TSC2: variants seen among roughly 807,000 people sequenced by gnomAD.
TSC2 encodes the protein TSC complex subunit 2.
TSC2 carries 29 observed loss-of-function variants against 202.2 expected under a neutral mutation model. That is an observed-to-expected ratio of 0.14 (90% CI 0.11 to 0.20). The LOEUF (loss-of-function observed/expected upper bound fraction) is 0.20. Ranked by LOEUF, TSC2 falls within the 10% of genes least tolerant of loss-of-function variation. The probability of loss-of-function intolerance (pLI) is 1.00; values close to 1 mark genes in which losing one functional copy is unlikely to be tolerated. For missense variants in TSC2, 2,429 were observed against 2,420.0 expected (o/e 1.00, Z -0.08); for synonymous variants, 1,349 against 1,044.0 (o/e 1.29, Z -5.63).
At chr16:2,064,614 G>A in intron 15 of TSC2, 187 bp downstream of exon 15, 2 of 877,800 alleles carry the variant, frequency 2.3e-6, no homozygotes, top group South Asian at 3.2e-5. Flanking sequence ...TTTGTGTCCT[G>A]ACTGAAAGTC....
chr16:2,057,426 C>T (rs1049385535), intron 9 of TSC2, among the ~76,000 whole-genome samples: 2 of 152,170 alleles, frequency 1.3e-5, no homozygotes, highest in East Asian at 1.9e-4. Flanking sequence ...CGTCCTCCAG[C>T]GGTGCTCCCC....
Position 2,088,574 on chromosome 16 carries a change from C to G in TSC2, c.5388C>G (p.Leu1796=). ...ATGAGGTGGGCCAGCGGAAGCGCCTCATCTCCTCGGTGGAGGACTTCACCG... is the reference window on the plus strand; with the variant it reads ...ATGAGGTGGGCCAGCGGAAGCGCCTGATCTCCTCGGTGGAGGACTTCACCG... ...PGYEVGQRKR[L]ISSVEDFTEF... Residue 1796 remains leucine, a synonymous_variant, in exon 42 of 42, where the codon CTC becomes CTG. Coordinates refer to ENST00000219476, the MANE Select transcript of TSC2 (RefSeq NM_000548.5). 1 of 1,609,360 alleles carries G rather than the reference C, an allele frequency of 6.2e-7. No homozygotes were observed. The highest frequency in any genetic ancestry group is 8.5e-7 in the Non-Finnish European group (1 of 1,179,910).
chr16:2,058,807 C>G lies in TSC2; in HGVS notation c.909C>G (p.Leu303=), dbSNP rs1433197017. The G allele has an allele frequency of 6.2e-7, 1 of 1,600,270 alleles. No homozygotes were observed. Among genetic ancestry groups the G allele is most frequent in the Non-Finnish European group, 8.5e-7 (1 of 1,173,264 alleles). ...RGAVFFVGMA[L]WGAHRLYSLR... ...CCGTGTTTTTTGTGGGCATGGCTCT[C>G]TGGGGAGCCCACCGGCTCTATTCTC... The change falls in exon 10 of 42, where the codon CTC becomes CTG. Residue 303 remains leucine (L), a synonymous_variant. Coordinates refer to ENST00000219476, the MANE Select transcript of TSC2 (RefSeq NM_000548.5).
chr16:2,053,899 T>C (rs1428096577), intron 4 of TSC2: 3 of 446,444 alleles, frequency 6.7e-6, no homozygotes, highest in African/African-American at 3.9e-5. Context: ...TACTCCTTCA[T>C]GTCCCAGCTG....
At chr16:2,057,332 C>T (rs993004005) in intron 9 of TSC2, among the ~76,000 whole-genome samples, 154 bp downstream of exon 9, 2 of 152,136 alleles carry the variant, frequency 1.3e-5, no homozygotes, top group Non-Finnish European at 2.9e-5. Flanking sequence ...CCCATGACTT[C>T]TAGGATCCAG....
chr16:2,076,086 G>A lies in TSC2; in HGVS notation c.2658G>A (p.Val886=), dbSNP rs1035837417. 3 of 1,613,974 alleles carry A rather than the reference G, an allele frequency of 1.9e-6. No individual in the cohort carries two copies. The highest frequency in any genetic ancestry group is 2.2e-5 in the East Asian group (1 of 44,874). ...ATCTCAGGTTTAATCAGTACATCGT[G>A]TGTCTGGCCCATCACGTCATAGCCA... ...TNPSKFNQYI[V]CLAHHVIAMW... The change falls in exon 24 of 42, where the codon GTG becomes GTA. Residue 886 remains valine (V), a synonymous_variant. Transcript: ENST00000219476.
chr16:2,064,246 C>A, intron 14 of TSC2, 26 bp from the exon 15 acceptor site: 2 of 1,613,796 alleles, frequency 1.2e-6, no homozygotes, highest in South Asian at 1.1e-5. Context: ...GGCTGGCGCT[C>A]ATTGGCCTCC....
chr16:2,082,646 G>A (rs1226509393), intron 32 of TSC2, 142 bp downstream of exon 32: 34 of 916,254 alleles, frequency 3.7e-5, no homozygotes, highest in South Asian at 2.5e-4. Flanking sequence ...GCATGAGGAC[G>A]TCTGTGCAGA....
chr16:2,082,844 C>T, intron 32 of TSC2: 2 of 458,702 alleles, frequency 4.4e-6, no homozygotes, highest in South Asian at 4.1e-5. Flanking sequence ...GGAAGCCCAC[C>T]CCTGGGCCTG....
intron 16 of TSC2, chr16:2,068,902 A>G (rs372292520): frequency 1.5e-4 from 22 of 144,926 alleles, no homozygotes; most frequent in African/African-American, 5.0e-4. Flanking sequence ...AATCATAAGG[A>G]AGCGAAAATA....
rs878854086 is a variant in TSC2 at position 2,075,854 on chromosome 16, T to C, written c.2601T>C (p.Ser867=). The change falls in exon 23 of 42, where the codon AGT becomes AGC. Residue 867 remains serine, a synonymous_variant. Coordinates refer to ENST00000219476, the MANE Select transcript of TSC2 (RefSeq NM_000548.5). ...ACTTTGCCGCGGAGCAGTATGCCAG[T>C]GTGTTCGCCATCTCCCTGCCGTACA... ...YRNFAAEQYA[S]VFAISLPYTN... is the part of the protein sequence containing the mutation. 2 of 1,613,006 alleles carry C rather than the reference T, an allele frequency of 1.2e-6. No individual in the cohort carries two copies. Among genetic ancestry groups the C allele is most frequent in the African/African-American group, 1.3e-5 (1 of 74,936 alleles).
At chr16:2,081,241 A>AGG (rs1182099205) in intron 30 of TSC2, 2 of 383,394 alleles carry the variant, frequency 5.2e-6, no homozygotes, top group African/African-American at 2.1e-5. Context: ...CCAGGGACAG[A>AGG]GGGAGGCCTT....
chr16:2,048,250 C>G (rs1199434596), intron 1 of TSC2, 185 bp downstream of exon 1: 2 of 1,334,854 alleles, frequency 1.5e-6, no homozygotes, highest in East Asian at 5.0e-5. Context: ...CAGGCGGCTC[C>G]GTGACAGCTC....
rs775002363 is a variant in TSC2 at position 2,077,550 on chromosome 16, C to T, written c.2838-48C>T. 4.0e-5 allele frequency: 64 copies of T among 1,610,966 alleles called. No individual in the cohort carries two copies. In the South Asian group the frequency reaches 4.4e-4, roughly 11 times the overall value. ...CTCCACTGGCTTGTTCTCCCCTTCCCGGGAGCTGGGCTCTCTGGGGCGTTG... is the reference window on the plus strand; with the variant it reads ...CTCCACTGGCTTGTTCTCCCCTTCCTGGGAGCTGGGCTCTCTGGGGCGTTG... On this transcript the variant is annotated intron_variant, in intron 25 of 41. Coordinates refer to ENST00000219476, the MANE Select transcript of TSC2 (RefSeq NM_000548.5).
rs1333170814 is a variant in TSC2 at position 2,079,882 on chromosome 16, G to C, written c.3397+213G>C. Among the ~76,000 whole-genome samples the C allele has an allele frequency of 6.6e-6, 1 of 152,214 alleles. No individual in the cohort carries two copies. The highest frequency in any genetic ancestry group is 1.5e-5 in the Non-Finnish European group (1 of 68,028). On this transcript the variant is annotated intron_variant, in intron 29 of 41. Transcript: ENST00000219476. This position sits in a 1 kb window ranked among gnomAD's most constrained non-coding sequence, Gnocchi z 4.6. ...GCTTGCTGCAGAGGGGCCTGCTCTG[G>C]GTGCTGGTGTTTCCTGCGGGTTTTC...
At chr16:2,061,208 A>C in intron 11 of TSC2, 1 of 322,690 alleles carries the variant, frequency 3.1e-6, no homozygotes, top group Non-Finnish European at 6.1e-6. Context: ...TTTAAGGAGG[A>C]CTCCACGGCC....
Position 2,072,835 on chromosome 16 carries a change from G to T in TSC2, c.2221-14G>T, listed in dbSNP as rs763473889. On this transcript the variant is annotated splice_polypyrimidine_tract_variant and intron_variant, in intron 20 of 41. Transcript: ENST00000219476. ...CCGCTGGGGAGAGGTTTCATGCCTGGATTTGGTCATCAGCTTTCAGGCCCA... is the reference window on the plus strand; with the variant it reads ...CCGCTGGGGAGAGGTTTCATGCCTGTATTTGGTCATCAGCTTTCAGGCCCA... 4 of 1,613,334 alleles carry T rather than the reference G, an allele frequency of 2.5e-6. No individual in the cohort carries two copies. In the African/African-American group the frequency reaches 4.0e-5, roughly 16 times the overall value.
At chr16:2,054,157 C>T in intron 4 of TSC2, 139 bp from the exon 5 acceptor site, 2 of 1,355,798 alleles carry the variant, frequency 1.5e-6, no homozygotes, top group Non-Finnish European at 2.1e-6. Flanking sequence ...TGCTGCAGAC[C>T]TGTCTCTTGC....
At chr16:2,054,760 C>T in intron 5 of TSC2, 2 of 462,078 alleles carry the variant, frequency 4.3e-6, no homozygotes, top group Non-Finnish European at 8.0e-6. Flanking sequence ...TTGGTCTCAA[C>T]CGGAGCGTAC....
Sources: allele counts gnomAD v4.1 joint callset (sites outside exome capture counted in the v4.1 genomes callset), GRCh38; gene constraint gnomAD v4.1.1; non-coding constraint Gnocchi (gnomAD v3.1); transcripts MANE v1.5; gene names NCBI Gene and HGNC (gene_info 2026-07-23, HGNC 2026-07-21).